HCN1: variants seen among roughly 807,000 people sequenced by gnomAD.
HCN1 encodes potassium/sodium hyperpolarization-activated cyclic nucleotide-gated channel 1.
In HCN1, 13 loss-of-function variants were observed where a neutral mutation model predicts 78.9. That is an observed-to-expected ratio of 0.16 (90% CI 0.11 to 0.26). The LOEUF (loss-of-function observed/expected upper bound fraction) is 0.26, where lower values mean the gene tolerates loss of function less well. Among genes scored for constraint, HCN1 ranks in the 10% least tolerant of loss-of-function variants. The probability of loss-of-function intolerance (pLI) is 1.00; values close to 1 mark genes in which losing one functional copy is unlikely to be tolerated. For missense variants in HCN1, 810 were observed against 1,154.3 expected (o/e 0.70, Z 4.32); for synonymous variants, 552 against 455.5 (o/e 1.21, Z -2.70).
intron 1 of HCN1, among the ~76,000 whole-genome samples, chr5:45,677,703 G>A (rs1739604864): frequency 1.3e-5 from 2 of 151,822 alleles, no homozygotes; most frequent in South Asian, 4.1e-4. Context: ...GCAAGAGAGA[G>A]AAAGAGAGCG....
rs1742029171 is a variant in HCN1, at chr5:45,496,333, A to AT, written c.850-34327_850-34326insA. 2.7e-5 allele frequency among the ~76,000 whole-genome samples: 4 copies of AT among 149,766 alleles called. No homozygotes were observed. The South Asian group carries it at 6.3e-4, about 24-fold the overall frequency. The stretch of plus-strand genomic sequence containing the variant: ...CTTCTTCCTGGTTTAGTCTTGGGAG[A>AT]GTGTATGTGTCGAGGAATGTATCCA... On this transcript the variant is annotated intron_variant, in intron 2 of 7. Coordinates refer to ENST00000303230, the MANE Select transcript of HCN1 (RefSeq NM_021072.4).
intron 3 of HCN1, among the ~76,000 whole-genome samples, chr5:45,456,439 A>G (rs1741031400): frequency 6.6e-6 from 1 of 152,058 alleles, no homozygotes; most frequent in Admixed American, 6.6e-5. Context: ...ATGCAGATAC[A>G]TGAAAGACCA....
intron 5 of HCN1, among the ~76,000 whole-genome samples, chr5:45,344,811 G>T (rs1288169065): frequency 1.3e-5 from 2 of 152,142 alleles, no homozygotes; most frequent in African/African-American, 2.4e-5. Flanking sequence ...TTGAGTATCT[G>T]CAGTTTTTCC....
chr5:45,402,813 C>CTCCCTCCT (rs1554022957), intron 3 of HCN1, among the ~76,000 whole-genome samples: 12 of 98,370 alleles, frequency 1.2e-4, no homozygotes, highest in Non-Finnish European at 2.2e-4. Flanking sequence ...CCTTTCTTTC[C>CTCCCTCCT]TCCTTCCTTC....
intron 5 of HCN1, among the ~76,000 whole-genome samples, chr5:45,334,610 A>T (rs532300820): frequency 2.1e-4 from 32 of 151,876 alleles, no homozygotes; most frequent in Non-Finnish European, 2.9e-4. Context: ...ACATCTTACA[A>T]TTTACTTTCC....
chr5:45,635,331 C>T (rs1043867054), intron 2 of HCN1, among the ~76,000 whole-genome samples: 1 of 152,120 alleles, frequency 6.6e-6, no homozygotes, highest in Admixed American at 6.6e-5. Flanking sequence ...CCATTCTCAA[C>T]TCACATCTCC....
At chr5:45,339,059 C>A (rs961610756) in intron 5 of HCN1, among the ~76,000 whole-genome samples, 1 of 152,120 alleles carries the variant, frequency 6.6e-6, no homozygotes, top group African/African-American at 2.4e-5. Flanking sequence ...TGTTAACTGG[C>A]TGAGCATTTC....
intron 3 of HCN1, among the ~76,000 whole-genome samples, chr5:45,430,260 G>GT (rs1310508219): frequency 6.6e-6 from 1 of 152,080 alleles, no homozygotes; most frequent in African/African-American, 2.4e-5. Flanking sequence ...CTCAAAAGTG[G>GT]TAAGACCATG....
chr5:45,461,256 T>C (rs978666063), intron 3 of HCN1, among the ~76,000 whole-genome samples: 24 of 152,202 alleles, frequency 1.6e-4, no homozygotes, highest in African/African-American at 5.3e-4. Context: ...GGAATATACA[T>C]AGCTATTTAA....
At chr5:45,659,193 C>G (rs1215415308) in intron 1 of HCN1, among the ~76,000 whole-genome samples, 1 of 148,896 alleles carries the variant, frequency 6.7e-6, no homozygotes, top group African/African-American at 2.5e-5. Flanking sequence ...AGCAGGGGCA[C>G]ACTGACACCT....
chr5:45,672,813 C>CT (rs1049668112), intron 1 of HCN1, among the ~76,000 whole-genome samples: 12 of 150,136 alleles, frequency 8.0e-5, no homozygotes, highest in South Asian at 2.1e-4. Flanking sequence ...GTTGTTTTAT[C>CT]TTTTTTTTTA....
At chr5:45,560,491 A>T (rs1432901175) in intron 2 of HCN1, among the ~76,000 whole-genome samples, 1 of 152,026 alleles carries the variant, frequency 6.6e-6, no homozygotes. Context: ...TAACCATTAA[A>T]TCTTTGTTAA....
At chr5:45,520,420 T>C (rs372929458) in intron 2 of HCN1, among the ~76,000 whole-genome samples, 1 of 152,030 alleles carries the variant, frequency 6.6e-6, no homozygotes, top group African/African-American at 2.4e-5. Flanking sequence ...ATTTAACTTA[T>C]GGACACTGAT....
chr5:45,372,773 C>T (rs1049806098), intron 4 of HCN1, among the ~76,000 whole-genome samples: 13 of 139,398 alleles, frequency 9.3e-5, no homozygotes, highest in Admixed American at 5.2e-4. Flanking sequence ...AAAATATATA[C>T]GTATTCTATA....
intron 2 of HCN1, among the ~76,000 whole-genome samples, chr5:45,519,101 A>T (rs1742569036): frequency 6.6e-6 from 1 of 152,016 alleles, no homozygotes; most frequent in Non-Finnish European, 1.5e-5. Context: ...AATTATGGCC[A>T]TATATATTAA....
chr5:45,327,198 G>A (rs1746253019), intron 5 of HCN1, among the ~76,000 whole-genome samples: 2 of 151,620 alleles, frequency 1.3e-5, no homozygotes, highest in Middle Eastern at 6.8e-3. Flanking sequence ...TCTATTTGAG[G>A]TGATAAAAAA....
intron 1 of HCN1, among the ~76,000 whole-genome samples, chr5:45,685,216 T>C (rs1237838105): frequency 6.6e-6 from 1 of 152,214 alleles, no homozygotes; most frequent in East Asian, 1.9e-4. Flanking sequence ...TCATATGTAA[T>C]ACTTAACTGA....
At chr5:45,506,663 G>A (rs1454113113) in intron 2 of HCN1, among the ~76,000 whole-genome samples, 1 of 151,988 alleles carries the variant, frequency 6.6e-6, no homozygotes, top group African/African-American at 2.4e-5. Flanking sequence ...GCTTTGTATT[G>A]CTATTTTTAT....
At chr5:45,604,897 A>C (rs1013536193) in intron 2 of HCN1, among the ~76,000 whole-genome samples, 1 of 152,054 alleles carries the variant, frequency 6.6e-6, no homozygotes, top group African/African-American at 2.4e-5. Flanking sequence ...CTTTAGTTAA[A>C]ATTTATCAGA....
Sources: allele counts gnomAD v4.1 joint callset (sites outside exome capture counted in the v4.1 genomes callset), GRCh38; gene constraint gnomAD v4.1.1; transcripts MANE v1.5; gene names NCBI Gene and HGNC (gene_info 2026-07-23, HGNC 2026-07-21).